Variants in SLC8A1 observed in about 807,000 individuals in gnomAD.
SLC8A1 encodes the protein sodium/calcium exchanger 1.
In SLC8A1, 18 loss-of-function variants were observed where a neutral mutation model predicts 68.3. That is an observed-to-expected ratio of 0.26 (90% confidence interval 0.18 to 0.39). SLC8A1 has a LOEUF of 0.39. Ranked by LOEUF, SLC8A1 falls within the 10% of genes least tolerant of loss-of-function variation. The probability of loss-of-function intolerance (pLI) is 1.00; values close to 1 mark genes in which losing one functional copy is unlikely to be tolerated. For missense variants in SLC8A1, 985 were observed against 1,156.7 expected, an observed-to-expected ratio of 0.85 and a Z score of 2.15; for synonymous variants, 475 against 415.5, an observed-to-expected ratio of 1.14 and a Z score of -1.74.
intron 2 of SLC8A1, among the ~76,000 whole-genome samples, chr2:40,416,067 A>AG (rs1193478048): frequency 6.6e-6 from 1 of 150,876 alleles, no homozygotes; most frequent in East Asian, 1.9e-4. Flanking sequence ...AAAAAAAAAA[A>AG]AAAAAAAAGC....
At chr2:40,507,517 T>C (rs1203082115) in intron 1 of SLC8A1, among the ~76,000 whole-genome samples, 1 of 152,080 alleles carries the variant, frequency 6.6e-6, no homozygotes, top group East Asian at 1.9e-4. Context: ...ATTTTGCTCT[T>C]ACTCCTTGCC....
chr2:40,397,088 T>C (rs1377015994), intron 2 of SLC8A1, among the ~76,000 whole-genome samples: 2 of 152,170 alleles, frequency 1.3e-5, no homozygotes, highest in Admixed American at 1.3e-4. Flanking sequence ...GTTAATTTTA[T>C]TGAACAGAAA....
chr2:40,338,737 T>C (rs1336232564), intron 2 of SLC8A1, among the ~76,000 whole-genome samples: 1 of 152,182 alleles, frequency 6.6e-6, no homozygotes, highest in Non-Finnish European at 1.5e-5. Context: ...GCAATTATCT[T>C]CCATAATTGG....
intron 1 of SLC8A1, among the ~76,000 whole-genome samples, chr2:40,431,675 A>T (rs1244483084): frequency 6.6e-6 from 1 of 152,164 alleles, no homozygotes; most frequent in Non-Finnish European, 1.5e-5. Context: ...CAATAGGAAG[A>T]AGCCCTGAGT....
At chr2:40,283,057 T>C (rs1450640757) in intron 2 of SLC8A1, among the ~76,000 whole-genome samples, 1 of 152,240 alleles carries the variant, frequency 6.6e-6, no homozygotes, top group Non-Finnish European at 1.5e-5. Context: ...CCACAAATTT[T>C]ACTTAATTAA....
chr2:40,288,491 C>G (rs1184733209), intron 2 of SLC8A1, among the ~76,000 whole-genome samples: 1 of 152,004 alleles, frequency 6.6e-6, no homozygotes, highest in African/African-American at 2.4e-5. Context: ...AGCCCCTACT[C>G]CTCTCCCCTC....
intron 2 of SLC8A1, among the ~76,000 whole-genome samples, chr2:40,364,895 G>T (rs1387194238): frequency 6.6e-6 from 1 of 151,926 alleles, no homozygotes; most frequent in African/African-American, 2.4e-5. Context: ...AAATGACAGG[G>T]AACAGCTTTG....
intron 2 of SLC8A1, among the ~76,000 whole-genome samples, chr2:40,310,399 G>C (rs2073455873): frequency 6.6e-6 from 1 of 152,202 alleles, no homozygotes; most frequent in African/African-American, 2.4e-5. Flanking sequence ...GAAAGTGCAA[G>C]ACAAAGGTGT....
chr2:40,361,473 T>TG (rs1674609837), intron 2 of SLC8A1, among the ~76,000 whole-genome samples: 2 of 151,568 alleles, frequency 1.3e-5, no homozygotes, highest in South Asian at 2.1e-4. Flanking sequence ...CCTTTTTTTT[T>TG]TTTTGTTTTG....
intron 6 of SLC8A1, among the ~76,000 whole-genome samples, chr2:40,150,130 C>CTCTA: frequency 6.6e-6 from 1 of 150,508 alleles, no homozygotes; most frequent in East Asian, 2.0e-4. Context: ...TTCTAAGATG[C>CTCTA]TCTATCTAAC....
intron 6 of SLC8A1, among the ~76,000 whole-genome samples, chr2:40,144,701 G>T (rs1028671108): frequency 6.6e-6 from 1 of 151,966 alleles, no homozygotes; most frequent in African/African-American, 2.4e-5. Context: ...TCAGACCCGT[G>T]GGGACCAAGA....
At chr2:40,409,671 G>A (rs546823630) in intron 2 of SLC8A1, among the ~76,000 whole-genome samples, 10 of 152,258 alleles carry the variant, frequency 6.6e-5, no homozygotes, top group Admixed American at 2.6e-4. Context: ...AAAGGAATAA[G>A]AGCAATAGCA....
intron 1 of SLC8A1, among the ~76,000 whole-genome samples, chr2:40,446,972 A>T (rs1701562224): frequency 6.6e-6 from 1 of 152,230 alleles, no homozygotes. Context: ...GTTGAAGTAA[A>T]TTGCTGAATC....
intron 2 of SLC8A1, among the ~76,000 whole-genome samples, chr2:40,270,244 C>G (rs988972791): frequency 1.3e-5 from 2 of 152,220 alleles, no homozygotes; most frequent in Non-Finnish European, 2.9e-5. Context: ...AGCTTCAGAT[C>G]CACAGTGGTG....
At chr2:40,184,898 C>CAAAAAAAAAAAAAAA (rs66662572) in intron 2 of SLC8A1, among the ~76,000 whole-genome samples, 4 of 106,516 alleles carry the variant, frequency 3.8e-5, no homozygotes, top group East Asian at 3.0e-4. Flanking sequence ...TAACCAAAAA[C>CAAAAAAAAAAAAAAA]AAAAAAAAAA....
chr2:40,470,446 C>T (rs1461371719), intron 1 of SLC8A1, among the ~76,000 whole-genome samples: 2 of 151,740 alleles, frequency 1.3e-5, no homozygotes, highest in Non-Finnish European at 2.9e-5. Context: ...ATATAAATGT[C>T]CAACACTAGG....
At chr2:40,457,720 C>T (rs1021169289) in intron 1 of SLC8A1, among the ~76,000 whole-genome samples, 1 of 152,182 alleles carries the variant, frequency 6.6e-6, no homozygotes, top group Non-Finnish European at 1.5e-5. Context: ...AAAGTATTAT[C>T]CAGTCACACA....
At chr2:40,360,445 C>CT (rs547748250) in intron 2 of SLC8A1, among the ~76,000 whole-genome samples, 1,816 of 152,166 alleles carry the variant, frequency 0.012, 20 homozygotes, top group Non-Finnish European at 0.017. Flanking sequence ...TATAAGAGCC[C>CT]TTTATCTGTG....
intron 7 of SLC8A1, among the ~76,000 whole-genome samples, chr2:40,131,700 G>T (rs904049311): frequency 6.6e-6 from 1 of 152,120 alleles, no homozygotes; most frequent in Non-Finnish European, 1.5e-5. Context: ...TGCTAGGAGG[G>T]TGTCCTCAAC....
Sources: allele counts gnomAD v4.1 joint callset (sites outside exome capture counted in the v4.1 genomes callset), GRCh38; gene constraint gnomAD v4.1.1; transcripts MANE v1.5; gene names NCBI Gene and HGNC (gene_info 2026-07-23, HGNC 2026-07-21).